The following UGGT2 variants were observed in gnomAD, a reference collection of about 807,000 sequenced individuals.
UGGT2 encodes UDP-glucose glycoprotein glucosyltransferase 2, also known as UDP-glucose:glycoprotein glucosyltransferase 2.
Under a neutral mutation model 192.1 loss-of-function variants are expected in UGGT2, and 180 were observed. The ratio of observed to expected loss-of-function variants is 0.94; its 90% CI spans 0.83 to 1.06. The LOEUF is 1.06. UGGT2 is among the 50% of genes least tolerant of loss of function. UGGT2 has a pLI of 0.00. For synonymous variants in UGGT2, 580 were observed against 591.0 expected (o/e 0.98, Z 0.27); for missense variants, 1,849 against 1,795.7 (o/e 1.03, Z -0.54).
intron 26 of UGGT2, among the ~76,000 whole-genome samples, chr13:95,886,385 A>G (rs1403387161): frequency 1.3e-5 from 2 of 152,218 alleles, no homozygotes. Flanking sequence ...ACATTATTTC[A>G]TTTAGAAAAG....
chr13:95,982,868 T>G (rs1566792022), intron 10 of UGGT2, among the ~76,000 whole-genome samples: 1 of 152,186 alleles, frequency 6.6e-6, no homozygotes, highest in Non-Finnish European at 1.5e-5. Flanking sequence ...CAGGTAGGAA[T>G]GATGTGTTGT....
rs766582124 is a variant in UGGT2, at chr13:95,949,421, T to C, written c.1369A>G (p.Ile457Val). The C allele has an allele frequency of 2.6e-6, 4 of 1,558,846 alleles. No homozygotes were observed. Among genetic ancestry groups the C allele is most frequent in the Non-Finnish European group, 3.5e-6 (4 of 1,148,370 alleles). Residue 457 changes from isoleucine (I) to valine (V), a missense_variant, in exon 13 of 39, where the codon ATT becomes GTT. Ile to Val is a conservative substitution (Grantham distance 29). Transcript: ENST00000376747. ...TTCTGGCAACTTGTAGGCCATGTAA[T>C]ATACAAATCATCATTTTCTAAGTCA... ...INDLENDDLYITWPTSCQKLL... is the reference protein window; with the variant it reads ...INDLENDDLYVTWPTSCQKLL...
At chr13:95,887,313 T>C (rs779842749) in intron 26 of UGGT2, 2 of 515,792 alleles carry the variant, frequency 3.9e-6, no homozygotes, top group Admixed American at 3.9e-5. Context: ...GAACTGAATA[T>C]TCCCATCAAT....
chr13:95,967,060 C>G (rs1159935382), intron 12 of UGGT2, among the ~76,000 whole-genome samples: 1 of 151,852 alleles, frequency 6.6e-6, no homozygotes, highest in Non-Finnish European at 1.5e-5. Context: ...GGCCACAAAG[C>G]TTTTTTTCCA....
chr13:95,931,623 T>A (rs1427923081), intron 17 of UGGT2, among the ~76,000 whole-genome samples: 1 of 151,974 alleles, frequency 6.6e-6, no homozygotes, highest in African/African-American at 2.4e-5. Context: ...GGGAGGCAGA[T>A]GAGGCAGCGA....
intron 1 of UGGT2, among the ~76,000 whole-genome samples, chr13:96,041,295 AGAGCCAAGCAAAATACAAGGGT>A (rs2053157399): frequency 6.6e-6 from 1 of 152,154 alleles, no homozygotes; most frequent in Non-Finnish European, 1.5e-5. Context: ...GTCAATTTAG[AGAGCCAAGCAAAATACAAGGGT>A]AGAGGAAGCA....
At chr13:95,917,066 T>C (rs1053314795) in intron 20 of UGGT2, among the ~76,000 whole-genome samples, 1 of 151,996 alleles carries the variant, frequency 6.6e-6, no homozygotes, top group African/African-American at 2.4e-5. Context: ...AGATACTCCA[T>C]GAAAAGATCA....
chr13:95,803,894 TAA>T (rs1212900346), intron 38 of UGGT2, among the ~76,000 whole-genome samples: 3 of 151,974 alleles, frequency 2.0e-5, no homozygotes, highest in Non-Finnish European at 2.9e-5. Flanking sequence ...GATGAATACA[TAA>T]GACAGCTTAA....
chr13:95,928,027 T>C (rs1175371493), intron 17 of UGGT2, among the ~76,000 whole-genome samples: 3 of 152,230 alleles, frequency 2.0e-5, no homozygotes, highest in African/African-American at 4.8e-5. Context: ...GAATTTTTCT[T>C]AGTACAGAAC....
chr13:95,883,991 T>C (rs2047568503), intron 27 of UGGT2, among the ~76,000 whole-genome samples: 1 of 144,672 alleles, frequency 6.9e-6, no homozygotes. Flanking sequence ...GCCTGTAGTA[T>C]ACCGCAAATT....
intron 5 of UGGT2, among the ~76,000 whole-genome samples, chr13:95,999,839 A>G (rs1302537969): frequency 6.6e-6 from 1 of 152,202 alleles, no homozygotes; most frequent in Non-Finnish European, 1.5e-5. Flanking sequence ...ATTAAAATAT[A>G]CCAAATGCCA....
chr13:95,941,490 CAA>C (rs1396656485), intron 15 of UGGT2, among the ~76,000 whole-genome samples: 1 of 151,534 alleles, frequency 6.6e-6, no homozygotes, highest in Non-Finnish European at 1.5e-5. Flanking sequence ...GATCATAACT[CAA>C]AAAAAGTGAA....
intron 5 of UGGT2, among the ~76,000 whole-genome samples, chr13:96,004,219 T>C (rs2051899458): frequency 6.6e-6 from 1 of 152,110 alleles, no homozygotes; most frequent in Admixed American, 6.5e-5. Flanking sequence ...TTTTTATTTT[T>C]AATTATTATG....
Position 96,014,977 on chromosome 13 carries a change from C to T in UGGT2, c.486-1496G>A, listed in dbSNP as rs191045567. On this transcript the variant is annotated intron_variant, in intron 4 of 38. Transcript: ENST00000376747. The stretch of plus-strand genomic sequence containing the variant: ...AATTCTTCCTTCAAAGAATTTACTA[C>T]TGTTGAAAACTAGAAAGGCGGCCAG... Among the ~76,000 whole-genome samples, 5 of 152,172 alleles carry T rather than the reference C, an allele frequency of 3.3e-5. No homozygotes were observed. The East Asian group carries it at 9.7e-4, about 29-fold the overall frequency.
At chr13:95,921,450 AGGACAGAATAGT>A (rs1196518857) in intron 20 of UGGT2, among the ~76,000 whole-genome samples, 4 of 152,132 alleles carry the variant, frequency 2.6e-5, no homozygotes, top group African/African-American at 9.7e-5. Flanking sequence ...CCCACTTGGA[AGGACAGAATAGT>A]GGGTAGAGAT....
chr13:95,860,807 A>G lies in UGGT2; in HGVS notation c.3721T>C (p.Leu1241=). ...LNIFSVASGH[L]YERFLRIMML... ...ACCTACCTTAAAAAACGTTCATATA[A>G]ATGACCAGAAGCAACTGAAAAAATG... is the stretch of plus-strand genomic sequence containing the variant. Residue 1241 remains leucine, a synonymous_variant, in exon 32 of 39, where the codon TTA becomes CTA. Transcript: ENST00000376747. 6.5e-7 allele frequency: 1 copy of G among 1,549,004 alleles called. No homozygotes were observed. The highest frequency in any genetic ancestry group is 2.3e-5 in the East Asian group (1 of 42,690).
At position 95,884,583 on chromosome 13, in the gene UGGT2, G is replaced by T; in HGVS notation, c.3136C>A (p.Pro1046Thr). Residue 1046 changes from proline (P) to threonine (T), a missense_variant, in exon 27 of 39, where the codon CCC becomes ACC. By Grantham distance (38) the Pro-to-Thr change is conservative. Transcript: ENST00000376747. ...GTAATCATGTTGAGGATTAGGAGGG[G>T]TGATTCAGGAATATCCAAAAATTTT... ...VAKFLDIPES[P>T]LLILNMITPE... The T allele has an allele frequency of 2.5e-6, 4 of 1,613,990 alleles. No homozygotes were observed. Among genetic ancestry groups the T allele is most frequent in the Non-Finnish European group, 3.4e-6 (4 of 1,179,928 alleles).
At chr13:95,831,455 C>T (rs190523990) in intron 38 of UGGT2, among the ~76,000 whole-genome samples, 350 of 151,952 alleles carry the variant, frequency 2.3e-3, no homozygotes, top group Non-Finnish European at 3.5e-3. Context: ...ATACATTTAC[C>T]TTGTTTGTCT....
rs190931751 is a variant in UGGT2 at position 95,827,009 on chromosome 13, C to A, written c.4528+5918G>T. On this transcript the variant is annotated intron_variant, in intron 38 of 38. Coordinates refer to ENST00000376747, the MANE Select transcript of UGGT2 (RefSeq NM_020121.4). ...CATGTATAGACAGAGACCAATGGAA[C>A]GGAATAAAAAGGGCCAAACAAGACA... Among the ~76,000 whole-genome samples, 542 of 151,852 alleles carry A rather than the reference C, an allele frequency of 3.6e-3. 6 individuals are homozygous for A. The highest frequency in any genetic ancestry group is 0.012 in the African/African-American group (512 of 41,406).
Sources: gnomAD v4.1 joint callset for allele counts (sites outside exome capture counted in the v4.1 genomes callset) on GRCh38, gnomAD v4.1.1 for gene constraint, MANE v1.5 for transcripts, NCBI Gene and HGNC (gene_info 2026-07-23, HGNC 2026-07-21) for gene names.